NSMCE4A: variants seen among roughly 807,000 people sequenced by gnomAD.
NSMCE4A encodes the protein non-structural maintenance of chromosomes element 4 homolog A.
Under a neutral mutation model 47.9 loss-of-function variants are expected in NSMCE4A, and 40 were observed. The ratio of observed to expected loss-of-function variants is 0.83; its 90% CI spans 0.65 to 1.09. The LOEUF is 1.09. NSMCE4A is among the 50% of genes least tolerant of loss of function. NSMCE4A has a pLI of 0.00. For missense variants in NSMCE4A, 500 were observed against 507.0 expected (o/e 0.99, Z 0.13); for synonymous variants, 166 against 178.5 (o/e 0.93, Z 0.56).
rs370545302 is a variant in NSMCE4A at position 121,959,593 on chromosome 10, G to A, written c.991C>T (p.Pro331Ser). 6.2e-7 allele frequency: 1 copy of A among 1,610,706 alleles called. No individual in the cohort carries two copies. The highest frequency in any genetic ancestry group is 8.5e-7 in the Non-Finnish European group (1 of 1,177,230). Reference protein sequence around the residue: ...LDQDRLPVIEPVSINEENEGF... With the variant: ...LDQDRLPVIESVSINEENEGF... ...TCATTTTCTTCATTAATACTAACAG[G>A]CTCTGTTTGAAAGACAAATTTTTCA... The change falls in exon 9 of 11, where the codon CCT becomes TCT. Residue 331 changes from proline to serine, a missense_variant and splice_region_variant. Pro to Ser is a moderately conservative substitution (Grantham distance 74, BLOSUM62 -1). Coordinates refer to ENST00000369023, the MANE Select transcript of NSMCE4A (RefSeq NM_017615.3).
chr10:121,959,708 T>C lies in NSMCE4A; in HGVS notation c.989-113A>G. 1.0e-5 allele frequency: 7 copies of C among 685,008 alleles called. No homozygotes were observed. The South Asian group carries it at 1.1e-4, about 11-fold the overall frequency. 42.4% of individuals were successfully genotyped at this position (685,008 alleles called of 1,614,324 possible). ...GAAACCTGTATTGAAAAGATACTTA[T>C]AATATTACATACTTTTTAGGATTTC... On this transcript the variant is annotated intron_variant, in intron 8 of 10. Coordinates refer to ENST00000369023, the MANE Select transcript of NSMCE4A (RefSeq NM_017615.3).
rs1273345838 is a variant in NSMCE4A at position 121,960,127 on chromosome 10, T to C, written c.988+231A>G. 2.7e-6 allele frequency: 1 copy of C among 367,634 alleles called. No homozygotes were observed. Among genetic ancestry groups the C allele is most frequent in the African/African-American group, 2.1e-5 (1 of 47,672 alleles). 22.8% of individuals were successfully genotyped at this position (367,634 alleles called of 1,614,324 possible). A position where few individuals can be genotyped will look rare whatever the true frequency, so the allele number is the denominator to read the frequency against. ...CTAAATTAAGATCTGAGGGAAATTATATCATTTCTTTGTTAATATTTACAG... is the reference window on the plus strand; with the variant it reads ...CTAAATTAAGATCTGAGGGAAATTACATCATTTCTTTGTTAATATTTACAG... On this transcript the variant is annotated intron_variant, in intron 8 of 10. Coordinates refer to ENST00000369023, the MANE Select transcript of NSMCE4A (RefSeq NM_017615.3). This position sits in a 1 kb window ranked among gnomAD's most constrained non-coding sequence, Gnocchi z 4.2.
intron 2 of NSMCE4A, among the ~76,000 whole-genome samples, chr10:121,973,494 T>C (rs185987593): frequency 1.4e-4 from 22 of 152,264 alleles, no homozygotes; most frequent in Admixed American, 1.2e-3. Context: ...CTGGGATCTC[T>C]CTCACTCACT....
intron 3 of NSMCE4A, among the ~76,000 whole-genome samples, chr10:121,968,122 A>G (rs1952641661): frequency 6.6e-6 from 1 of 152,204 alleles, no homozygotes; most frequent in African/African-American, 2.4e-5. Context: ...ACCTGGAGAC[A>G]TTTGTGGGTG....
chr10:121,970,211 G>A (rs547967129), intron 3 of NSMCE4A, among the ~76,000 whole-genome samples: 2 of 151,816 alleles, frequency 1.3e-5, no homozygotes, highest in East Asian at 2.0e-4. Context: ...GGTGGCTCAC[G>A]GCTGTAATCC....
chr10:121,959,339 A>G lies in NSMCE4A; in HGVS notation c.1155T>C (p.Ala385=), dbSNP rs1422662044. ...AAAAGGTTACCTTCAGCTAGCATCA[A>G]GCACTTGGCTTCTGCTGCCTCTGAC... ...TPSQRQQKPS[A] The change falls in exon 10 of 11, where the codon GCT becomes GCC. Residue 385 remains alanine, a synonymous_variant. Transcript: ENST00000369023. 3 of 1,614,108 alleles carry G rather than the reference A, an allele frequency of 1.9e-6. No homozygotes were observed. The highest frequency in any genetic ancestry group is 2.5e-6 in the Non-Finnish European group (3 of 1,179,936).
At chr10:121,963,422 T>C in intron 5 of NSMCE4A, 94 bp from the exon 6 acceptor site, 1 of 687,508 alleles carries the variant, frequency 1.5e-6, no homozygotes, top group Non-Finnish European at 2.5e-6. Context: ...TCTTCTCTCT[T>C]GCACACCCGA....
At chr10:121,974,838 C>T (rs1344399993) in intron 1 of NSMCE4A, 36 bp downstream of exon 1, 3 of 1,358,374 alleles carry the variant, frequency 2.2e-6, no homozygotes, top group Non-Finnish European at 2.8e-6. Context: ...GACAGCGGCC[C>T]GTCCGGGCCC....
In NSMCE4A at chr10:121,975,215, A is replaced by C; in HGVS notation, c.-50T>G. ...GGAACGGCGGAAGTTCGCGCCAGAAACTGAAACCCCTGCTCTGCGCCAGCG... is the reference window on the plus strand; with the variant it reads ...GGAACGGCGGAAGTTCGCGCCAGAACCTGAAACCCCTGCTCTGCGCCAGCG... On this transcript the variant is annotated 5_prime_UTR_variant, in exon 1 of 11. Coordinates refer to ENST00000369023, the MANE Select transcript of NSMCE4A (RefSeq NM_017615.3). 1.5e-6 allele frequency: 2 copies of C among 1,347,846 alleles called. No homozygotes were observed. Among genetic ancestry groups the C allele is most frequent in the Non-Finnish European group, 1.9e-6 (2 of 1,055,554 alleles). The allele number at this position is 1,347,846 out of a possible 1,614,324, so 83.5% of individuals were successfully genotyped here.
In NSMCE4A at chr10:121,975,093, G is replaced by A. The variant is rs762187990; in HGVS notation, c.73C>T (p.Arg25Cys). The A allele has an allele frequency of 6.9e-7, 1 of 1,442,838 alleles. No homozygotes were observed. Among genetic ancestry groups the A allele is most frequent in the Non-Finnish European group, 9.0e-7 (1 of 1,108,784 alleles). The allele number at this position is 1,442,838 out of a possible 1,614,324, so 89.4% of individuals were successfully genotyped here. The change falls in exon 1 of 11, where the codon CGC becomes TGC. Residue 25 changes from arginine to cysteine, a missense_variant. By Grantham distance (180) the Arg-to-Cys change is radical. Transcript: ENST00000369023. ...GGGGACCGCGAGCGGGAGCGGGAGC[G>A]GGTGCGATCCCGATGCGGGTCGCGG... ...RGRDPHRDRT[R>C]SRSRSRSPLS... is the part of the protein sequence containing the mutation.
chr10:121,974,734 G>A (rs1952784476), intron 1 of NSMCE4A, 140 bp downstream of exon 1: 4 of 1,148,566 alleles, frequency 3.5e-6, no homozygotes, highest in African/African-American at 3.3e-5. Context: ...TGCGGCGAGG[G>A]GCTGGCACCC....
intron 3 of NSMCE4A, among the ~76,000 whole-genome samples, chr10:121,970,199 T>A (rs922716643): frequency 1.5e-4 from 22 of 151,486 alleles, no homozygotes; most frequent in Admixed American, 1.3e-4. Context: ...CTGGCTGGGC[T>A]AGGTGGCTCA....
At chr10:121,966,217 A>G (rs1211616745) in intron 4 of NSMCE4A, 1 of 152,222 alleles carries the variant, frequency 6.6e-6, no homozygotes, top group African/African-American at 2.4e-5. Context: ...TGGTTGAGAA[A>G]TCTGATCCTA....
intron 6 of NSMCE4A, among the ~76,000 whole-genome samples, chr10:121,962,810 C>T (rs1464269526): frequency 6.6e-6 from 1 of 151,966 alleles, no homozygotes; most frequent in African/African-American, 2.4e-5. Flanking sequence ...TGAGGTTTCT[C>T]CATGTTGGTC....
At chr10:121,974,162 TA>T in intron 1 of NSMCE4A, 81 bp from the exon 2 acceptor site, 1 of 1,370,646 alleles carries the variant, frequency 7.3e-7, no homozygotes, top group Non-Finnish European at 1.0e-6. Flanking sequence ...CCTGCAACAG[TA>T]AAGCCAAGCC....
At chr10:121,957,591 G>A (rs1184161152) in intron 10 of NSMCE4A, among the ~76,000 whole-genome samples, 3 of 151,492 alleles carry the variant, frequency 2.0e-5, no homozygotes, top group Admixed American at 6.6e-5. Flanking sequence ...CCACCACCAC[G>A]CCCAGCTAAT....
intron 8 of NSMCE4A, 51 bp from the exon 9 acceptor site, chr10:121,959,646 C>T (rs1017363144): frequency 7.9e-7 from 1 of 1,272,060 alleles, no homozygotes; most frequent in Non-Finnish European, 1.1e-6. Flanking sequence ...TAAATCGGAA[C>T]AGGTAATCTA....
At chr10:121,971,306 C>G (rs1279671454) in intron 2 of NSMCE4A, among the ~76,000 whole-genome samples, 1 of 151,918 alleles carries the variant, frequency 6.6e-6, no homozygotes, top group Non-Finnish European at 1.5e-5. Context: ...GTCAGGAGAT[C>G]GAGACCATCC....
rs780235730 is a variant in NSMCE4A, at chr10:121,967,762, G to C, written c.546C>G (p.Ile182Met). The change falls in exon 4 of 11, where the codon ATC (isoleucine) becomes ATG (methionine). Residue 182 changes from isoleucine to methionine, a missense_variant. By Grantham distance (10) the Ile-to-Met change is conservative. Coordinates refer to ENST00000369023, the MANE Select transcript of NSMCE4A (RefSeq NM_017615.3). ...CAAAATCAGGACTATCTTCATCACG[G>C]ATGAGTTCTTCAGCTTCTAGCGGAT... Reference protein sequence around the residue: ...GVNPLEAEELIRDEDSPDFEF... With the variant: ...GVNPLEAEELMRDEDSPDFEF... The C allele has an allele frequency of 1.9e-6, 3 of 1,613,868 alleles. No individual in the cohort carries two copies. The African/African-American group carries it at 4.0e-5, about 22-fold the overall frequency.
Sources: allele counts gnomAD v4.1 joint callset (sites outside exome capture counted in the v4.1 genomes callset), GRCh38; gene constraint gnomAD v4.1.1; non-coding constraint Gnocchi (gnomAD v3.1); transcripts MANE v1.5; gene names NCBI Gene and HGNC (gene_info 2026-07-23, HGNC 2026-07-21).